Variants in RALYL observed in about 807,000 individuals in gnomAD.
RALYL encodes the protein RALY RNA binding protein like.
Under a neutral mutation model 35.1 loss-of-function variants are expected in RALYL, and 29 were observed. The ratio of observed to expected loss-of-function variants is 0.83; its 90% confidence interval spans 0.61 to 1.13. RALYL has a LOEUF of 1.13. RALYL is among the 50% of genes most tolerant of loss of function. The pLI, the probability that RALYL is intolerant of heterozygous loss-of-function variation, is 0.00. For missense variants in RALYL, 359 were observed against 360.4 expected, an observed-to-expected ratio of 1.00 and a Z score of 0.03; for synonymous variants, 120 against 127.6, an observed-to-expected ratio of 0.94 and a Z score of 0.40.
intron 2 of RALYL, among the ~76,000 whole-genome samples, chr8:84,612,255 A>T (rs572894114): frequency 1.3e-5 from 2 of 152,160 alleles, no homozygotes; most frequent in South Asian, 2.1e-4. Context: ...TGTTAAAAAA[A>T]ACAGCATGAA....
At chr8:84,537,909 G>A (rs2059731925) in intron 2 of RALYL, among the ~76,000 whole-genome samples, 1 of 152,094 alleles carries the variant, frequency 6.6e-6, no homozygotes, top group African/African-American at 2.4e-5. Flanking sequence ...CTACTTCCAA[G>A]GTTTGTATGT....
chr8:84,834,005 T>C (rs538372844), intron 4 of RALYL, among the ~76,000 whole-genome samples: 1 of 152,186 alleles, frequency 6.6e-6, no homozygotes, highest in South Asian at 2.1e-4. Flanking sequence ...GTCTCCACCA[T>C]AAAGAGCTTG....
At chr8:84,484,188 CA>C (rs751818161) in intron 1 of RALYL, among the ~76,000 whole-genome samples, 1 of 151,978 alleles carries the variant, frequency 6.6e-6, no homozygotes, top group Non-Finnish European at 1.5e-5. Flanking sequence ...ATAACAAATT[CA>C]AAAACTTTAA....
chr8:84,385,504 C>T (rs542438375), intron 1 of RALYL, among the ~76,000 whole-genome samples: 3 of 151,796 alleles, frequency 2.0e-5, no homozygotes, highest in Non-Finnish European at 4.4e-5. Flanking sequence ...CCTTATCCAT[C>T]TACTCTCAGT....
chr8:84,386,918 C>G (rs1339617310), intron 1 of RALYL, among the ~76,000 whole-genome samples: 1 of 151,822 alleles, frequency 6.6e-6, no homozygotes, highest in African/African-American at 2.4e-5. Flanking sequence ...GCCCAATCCT[C>G]TGGGGAAGCC....
Position 84,296,585 on chromosome 8 carries a change from C to T in RALYL, c.-24+112161C>T, listed in dbSNP as rs76818007. Among the ~76,000 whole-genome samples, 517 of 149,842 alleles carry T rather than the reference C, an allele frequency of 3.5e-3. 10 individuals are homozygous for T. The East Asian group carries it at 0.043, about 12-fold the overall frequency. ...GAGTCACAAGAAAGGCCTGTTTTACCTATTCCCTAGAGCAGGAGACATCTT... is the reference window on the plus strand; with the variant it reads ...GAGTCACAAGAAAGGCCTGTTTTACTTATTCCCTAGAGCAGGAGACATCTT... On this transcript the variant is annotated intron_variant, in intron 1 of 8. Transcript: ENST00000521268.
chr8:84,283,436 A>T (rs1367313107), intron 1 of RALYL, among the ~76,000 whole-genome samples: 1 of 152,148 alleles, frequency 6.6e-6, no homozygotes, highest in Non-Finnish European at 1.5e-5. Flanking sequence ...TCCCATGAGG[A>T]GAAAATGATT....
chr8:84,670,907 G>A (rs922093134), intron 2 of RALYL, among the ~76,000 whole-genome samples: 4 of 152,098 alleles, frequency 2.6e-5, no homozygotes, highest in Admixed American at 6.6e-5. Context: ...ACAGTCACCC[G>A]AAGTCTTAAC....
At chr8:84,730,778 G>C (rs183361522) in intron 2 of RALYL, among the ~76,000 whole-genome samples, 112 of 152,166 alleles carry the variant, frequency 7.4e-4, no homozygotes, top group African/African-American at 2.6e-3. Context: ...CATGTCACAT[G>C]ATTTGAAAGC....
At chr8:84,546,066 G>T (rs2135348152) in intron 2 of RALYL, among the ~76,000 whole-genome samples, 1 of 152,248 alleles carries the variant, frequency 6.6e-6, no homozygotes, top group African/African-American at 2.4e-5. Flanking sequence ...TGTACTGTAT[G>T]TGAGAAGGAG....
At chr8:84,600,105 T>A (rs1205331754) in intron 2 of RALYL, among the ~76,000 whole-genome samples, 3 of 152,090 alleles carry the variant, frequency 2.0e-5, no homozygotes, top group Non-Finnish European at 4.4e-5. Flanking sequence ...AATCTTTGAC[T>A]TATTTCATCC....
chr8:84,770,667 G>A (rs958883410), intron 2 of RALYL, among the ~76,000 whole-genome samples: 3 of 152,198 alleles, frequency 2.0e-5, no homozygotes, highest in Admixed American at 2.0e-4. Context: ...TCCCCCACCA[G>A]TGTAGAAGTG....
chr8:84,788,402 T>C (rs940624240), intron 3 of RALYL, among the ~76,000 whole-genome samples: 5 of 152,192 alleles, frequency 3.3e-5, no homozygotes, highest in Non-Finnish European at 7.3e-5. Context: ...ATAACTTTAA[T>C]ACATAATGCA....
At chr8:84,842,315 T>G (rs1438624860) in intron 4 of RALYL, among the ~76,000 whole-genome samples, 2 of 152,120 alleles carry the variant, frequency 1.3e-5, no homozygotes, top group Non-Finnish European at 2.9e-5. Context: ...AAATACAAAC[T>G]ACCATCAGGG....
intron 1 of RALYL, among the ~76,000 whole-genome samples, chr8:84,445,706 CTTTCA>C (rs1004438023): frequency 2.6e-5 from 4 of 151,568 alleles, no homozygotes; most frequent in Admixed American, 2.0e-4. Flanking sequence ...GATTAAATTA[CTTTCA>C]TTTCATTTAC....
chr8:84,469,100 G>A (rs543220509), intron 1 of RALYL, among the ~76,000 whole-genome samples: 108 of 151,872 alleles, frequency 7.1e-4, no homozygotes, highest in African/African-American at 1.2e-3. Flanking sequence ...ATGTCCTTCC[G>A]TAGCTCAGAG....
intron 1 of RALYL, among the ~76,000 whole-genome samples, chr8:84,210,784 A>G (rs1167760707): frequency 1.3e-5 from 2 of 152,062 alleles, no homozygotes; most frequent in Non-Finnish European, 2.9e-5. Context: ...CTTGTACAAG[A>G]GGCAAATACA....
At chr8:84,399,950 C>T (rs2042725489) in intron 1 of RALYL, among the ~76,000 whole-genome samples, 1 of 152,150 alleles carries the variant, frequency 6.6e-6, no homozygotes, top group Non-Finnish European at 1.5e-5. Flanking sequence ...AACCCTGTCT[C>T]TACTAAAAAT....
At chr8:84,454,554 C>T (rs1222913450) in intron 1 of RALYL, among the ~76,000 whole-genome samples, 2 of 152,034 alleles carry the variant, frequency 1.3e-5, no homozygotes, top group Non-Finnish European at 2.9e-5. Context: ...GTCCTTGTTC[C>T]AAATGGATAC....
Sources: gnomAD v4.1 joint callset for allele counts (sites outside exome capture counted in the v4.1 genomes callset) on GRCh38, gnomAD v4.1.1 for gene constraint, MANE v1.5 for transcripts, NCBI Gene and HGNC (gene_info 2026-07-23, HGNC 2026-07-21) for gene names.